C1orf21: variants seen among roughly 807,000 people sequenced by gnomAD.
The protein encoded by C1orf21 is chromosome 1 open reading frame 21.
C1orf21 carries 3 observed loss-of-function variants against 18.7 expected under a neutral mutation model. That is an observed-to-expected ratio of 0.16 (90% CI 0.07 to 0.42). C1orf21 has a LOEUF of 0.42. Ranked by LOEUF, C1orf21 falls within the 10% of genes least tolerant of loss-of-function variation. The pLI, the probability that C1orf21 is intolerant of heterozygous loss-of-function variation, is 0.99. For missense variants in C1orf21, 104 were observed against 143.6 expected (o/e 0.72, Z 1.41); for synonymous variants, 41 against 46.4 (o/e 0.88, Z 0.47).
At chr1:184,589,991 G>C (rs1030027422) in intron 3 of C1orf21, among the ~76,000 whole-genome samples, 2 of 152,200 alleles carry the variant, frequency 1.3e-5, no homozygotes, top group African/African-American at 4.8e-5. Context: ...TAGGTTCAGA[G>C]TGGTCTTTCC....
intron 1 of C1orf21, among the ~76,000 whole-genome samples, chr1:184,468,998 G>A (rs997915664): frequency 6.6e-6 from 1 of 152,150 alleles, no homozygotes; most frequent in South Asian, 2.1e-4. Flanking sequence ...ACTTTGGGAG[G>A]CTGAGATGGG....
intron 2 of C1orf21, among the ~76,000 whole-genome samples, chr1:184,504,745 G>A (rs1658028131): frequency 6.6e-6 from 1 of 152,208 alleles, no homozygotes; most frequent in African/African-American, 2.4e-5. Flanking sequence ...TTTGTGCGGT[G>A]TGTTGTGTAA....
At chr1:184,474,846 C>A (rs1357463366) in intron 1 of C1orf21, among the ~76,000 whole-genome samples, 1 of 152,088 alleles carries the variant, frequency 6.6e-6, no homozygotes, top group African/African-American at 2.4e-5. Flanking sequence ...CCTTTTTGAA[C>A]AGTAAGGAAT....
chr1:184,485,147 T>G (rs913566185), intron 2 of C1orf21, among the ~76,000 whole-genome samples: 1 of 152,142 alleles, frequency 6.6e-6, no homozygotes, highest in African/African-American at 2.4e-5. Flanking sequence ...GAATAATGTT[T>G]GTCAGTGCAG....
intron 1 of C1orf21, among the ~76,000 whole-genome samples, chr1:184,445,832 T>G (rs982994519): frequency 6.6e-6 from 1 of 152,136 alleles, no homozygotes; most frequent in Non-Finnish European, 1.5e-5. Context: ...GAAGATTAAT[T>G]AAAAGGGCAT....
In C1orf21 at chr1:184,426,016, T is replaced by G. The variant is rs954571086; in HGVS notation, c.-125+38648T>G. On this transcript the variant is annotated intron_variant, in intron 1 of 5. Coordinates refer to ENST00000235307, the MANE Select transcript of C1orf21 (RefSeq NM_030806.4). ...TGATATTGGCCATCCCACCCAGATT[T>G]ATGTACTCAGCAGCTCTGCCAGTTT... is the stretch of plus-strand genomic sequence containing the variant. 7.9e-5 allele frequency among the ~76,000 whole-genome samples: 12 copies of G among 152,354 alleles called. 1 individual carries two copies. The highest frequency in any genetic ancestry group is 5.2e-4 in the Admixed American group (8 of 15,314).
intron 4 of C1orf21, among the ~76,000 whole-genome samples, chr1:184,593,877 G>A (rs1397104594): frequency 6.6e-6 from 1 of 152,190 alleles, no homozygotes; most frequent in African/African-American, 2.4e-5. Flanking sequence ...AGTAAGTCCT[G>A]AAAGATTACA....
chr1:184,515,742 C>G (rs761162043), intron 3 of C1orf21, among the ~76,000 whole-genome samples: 6 of 152,100 alleles, frequency 3.9e-5, no homozygotes, highest in African/African-American at 7.2e-5. Flanking sequence ...GAATATTAAG[C>G]CATTTGATGA....
At chr1:184,548,082 G>A (rs1419947441) in intron 3 of C1orf21, among the ~76,000 whole-genome samples, 1 of 152,108 alleles carries the variant, frequency 6.6e-6, no homozygotes, top group Admixed American at 6.6e-5. Context: ...GTTTCCCAAA[G>A]ACCTTGTTAT....
intron 3 of C1orf21, among the ~76,000 whole-genome samples, chr1:184,566,128 G>A (rs1659032768): frequency 6.6e-6 from 1 of 152,156 alleles, no homozygotes; most frequent in Admixed American, 6.5e-5. Context: ...AAGTAGGGAA[G>A]GGTACTTCCC....
intron 3 of C1orf21, among the ~76,000 whole-genome samples, chr1:184,576,441 G>A (rs909532514): frequency 2.0e-5 from 3 of 152,178 alleles, no homozygotes; most frequent in African/African-American, 4.8e-5. Context: ...GCTTTTGAGG[G>A]AAGGAGTCCT....
At chr1:184,586,526 G>A (rs1169363835) in intron 3 of C1orf21, among the ~76,000 whole-genome samples, 2 of 151,794 alleles carry the variant, frequency 1.3e-5, no homozygotes, top group East Asian at 1.9e-4. Context: ...CTCGTGATCC[G>A]CCCGCCTCGG....
chr1:184,546,862 A>G (rs1471129351), intron 3 of C1orf21, among the ~76,000 whole-genome samples: 1 of 152,228 alleles, frequency 6.6e-6, no homozygotes, highest in Non-Finnish European at 1.5e-5. Flanking sequence ...ACTAAGGTGC[A>G]TGGCTTGGCC....
intron 4 of C1orf21, among the ~76,000 whole-genome samples, chr1:184,591,491 T>C (rs1410734475): frequency 6.6e-6 from 1 of 152,150 alleles, no homozygotes; most frequent in East Asian, 1.9e-4. Context: ...TTAAAGCTCT[T>C]AAAGGTAAAA....
chr1:184,490,929 G>GA (rs199789528), intron 2 of C1orf21, among the ~76,000 whole-genome samples: 134 of 141,700 alleles, frequency 9.5e-4, no homozygotes, highest in African/African-American at 2.1e-3. Context: ...GAAGTTTTGT[G>GA]AAAAAAAAAA....
At chr1:184,403,815 G>A (rs773760106) in intron 1 of C1orf21, among the ~76,000 whole-genome samples, 16 of 151,970 alleles carry the variant, frequency 1.1e-4, no homozygotes, top group Non-Finnish European at 2.1e-4. Context: ...TTAGTGTCTG[G>A]GTCAAGCAGT....
chr1:184,442,776 G>A (rs924363867), intron 1 of C1orf21, among the ~76,000 whole-genome samples: 3 of 152,028 alleles, frequency 2.0e-5, no homozygotes, highest in Non-Finnish European at 4.4e-5. Flanking sequence ...GATACATTCT[G>A]TGCTGAATAA....
Position 184,619,691 on chromosome 1 carries a change from C to T in C1orf21, c.*135C>T. ...GAAGATCGTTCCATATTGTACGCCC[C>T]ATTAAATTACAGTGTTTCTTAATGA... On this transcript the variant is annotated 3_prime_UTR_variant, in exon 6 of 6. Coordinates refer to ENST00000235307, the MANE Select transcript of C1orf21 (RefSeq NM_030806.4). The T allele has an allele frequency of 4.6e-6, 3 of 645,194 alleles. No homozygotes were observed. Among genetic ancestry groups the T allele is most frequent in the Non-Finnish European group, 7.6e-6 (3 of 393,526 alleles). 40.0% of individuals were successfully genotyped at this position (645,194 alleles called of 1,614,324 possible).
chr1:184,509,423 G>A (rs578042862), intron 3 of C1orf21, among the ~76,000 whole-genome samples: 1 of 152,282 alleles, frequency 6.6e-6, no homozygotes, highest in South Asian at 2.1e-4. Context: ...CTGCCAGCCA[G>A]CCAGAGTCCA....
Sources: gnomAD v4.1 joint callset for allele counts (sites outside exome capture counted in the v4.1 genomes callset) on GRCh38, gnomAD v4.1.1 for gene constraint, MANE v1.5 for transcripts, NCBI Gene and HGNC (gene_info 2026-07-23, HGNC 2026-07-21) for gene names.